PPP1R21: variants seen among roughly 807,000 people sequenced by gnomAD.
The protein encoded by PPP1R21 is protein phosphatase 1 regulatory subunit 21.
A neutral mutation model predicts 112.8 loss-of-function variants in PPP1R21; 85 were observed. That is an observed-to-expected ratio of 0.75 (90% CI 0.63 to 0.90). The LOEUF is 0.90. PPP1R21 is among the 40% of genes least tolerant of loss of function. The pLI, the probability that PPP1R21 is intolerant of heterozygous loss-of-function variation, is 0.00. For synonymous variants in PPP1R21, 381 were observed against 322.3 expected (o/e 1.18, Z -1.95); for missense variants, 1,199 against 901.5 (o/e 1.33, Z -4.23).
intron 19 of PPP1R21, among the ~76,000 whole-genome samples, chr2:48,508,265 A>G (rs1180538939): frequency 1.3e-5 from 2 of 152,216 alleles, no homozygotes; most frequent in Non-Finnish European, 2.9e-5. Context: ...GAAACTTTAT[A>G]TTAAAAAGTC....
At chr2:48,481,559 A>G (rs1669012157) in intron 13 of PPP1R21, among the ~76,000 whole-genome samples, 2 of 152,186 alleles carry the variant, frequency 1.3e-5, no homozygotes, top group Admixed American at 1.3e-4. Flanking sequence ...CTGTGGCTAC[A>G]AGTTTTTTAG....
intron 21 of PPP1R21, 32 bp from the exon 22 acceptor site, chr2:48,514,683 T>A: frequency 6.9e-7 from 1 of 1,453,688 alleles, no homozygotes; most frequent in Non-Finnish European, 9.7e-7. Context: ...TTTATGTTTA[T>A]GTTCTTATTG....
At chr2:48,442,565 T>G (rs1667080093) in intron 1 of PPP1R21, among the ~76,000 whole-genome samples, 1 of 152,218 alleles carries the variant, frequency 6.6e-6, no homozygotes, top group South Asian at 2.1e-4. Context: ...AGGGTTCAGC[T>G]TAACAAGTCA....
chr2:48,512,835 C>G (rs1487131960), intron 21 of PPP1R21, among the ~76,000 whole-genome samples: 1 of 152,076 alleles, frequency 6.6e-6, no homozygotes. Flanking sequence ...GATCAGGGGG[C>G]TGGTCCTTTT....
chr2:48,477,741 T>G (rs1668823127), intron 12 of PPP1R21, among the ~76,000 whole-genome samples: 3 of 151,908 alleles, frequency 2.0e-5, no homozygotes, highest in Non-Finnish European at 4.4e-5. Context: ...TAGAATCAGC[T>G]TGTGTTGATG....
rs752198524 is a variant in PPP1R21 at position 48,498,629 on chromosome 2, C to A, written c.1829C>A (p.Ala610Asp). ...IADKLKNTGS[A>D]QLVGLAQENA... ...GATAAGCTGAAGAATACAGGTAGTG[C>A]CCAGCTGGTTGGGCTGGCCCAGGAA... The change falls in exon 17 of 22, where the codon GCC (alanine) becomes GAC (aspartate). Residue 610 changes from alanine to aspartate, a missense_variant. By Grantham distance (126) the Ala-to-Asp change is moderately radical (BLOSUM62 -2). Transcript: ENST00000294952. The A allele has an allele frequency of 6.2e-7, 1 of 1,614,218 alleles. No individual in the cohort carries two copies. The highest frequency in any genetic ancestry group is 1.1e-5 in the South Asian group (1 of 91,086).
At chr2:48,501,475 A>T (rs191244842) in intron 17 of PPP1R21, among the ~76,000 whole-genome samples, 1 of 152,208 alleles carries the variant, frequency 6.6e-6, no homozygotes, top group African/African-American at 2.4e-5. Flanking sequence ...CTCACACAGG[A>T]TTGTAGGTAC....
intron 13 of PPP1R21, among the ~76,000 whole-genome samples, chr2:48,484,515 T>A (rs1669183449): frequency 2.3e-4 from 1 of 4,402 alleles, no homozygotes; most frequent in Admixed American, 1.4e-3. Flanking sequence ...AAGAATAAAC[T>A]TTTTTTTTTT....
chr2:48,513,918 T>G (rs565537673), intron 21 of PPP1R21, among the ~76,000 whole-genome samples: 99 of 152,264 alleles, frequency 6.5e-4, no homozygotes, highest in African/African-American at 2.3e-3. Flanking sequence ...ATGGAATAAG[T>G]CATCTTCTCT....
chr2:48,446,533 T>C (rs940711706), intron 1 of PPP1R21, among the ~76,000 whole-genome samples: 5 of 152,328 alleles, frequency 3.3e-5, no homozygotes, highest in Non-Finnish European at 5.9e-5. Flanking sequence ...CAATCTCTTA[T>C]ATAATGTATT....
chr2:48,477,778 G>C (rs752634949), intron 12 of PPP1R21, among the ~76,000 whole-genome samples: 6 of 151,760 alleles, frequency 4.0e-5, no homozygotes, highest in Non-Finnish European at 8.8e-5. Context: ...TTGGGATTCT[G>C]ATAGGGATTG....
chr2:48,449,332 ATGAAT>A (rs1322433050), intron 1 of PPP1R21, among the ~76,000 whole-genome samples: 1 of 152,180 alleles, frequency 6.6e-6, no homozygotes, highest in Non-Finnish European at 1.5e-5. Context: ...GGTAGGGTAA[ATGAAT>A]TTACCCATTC....
chr2:48,454,654 G>T lies in PPP1R21; in HGVS notation c.186G>T (p.Leu62Phe). Residue 62 changes from leucine to phenylalanine, a missense_variant, in exon 3 of 22, where the codon TTG (leucine) becomes TTT (phenylalanine). Transcript: ENST00000294952. ...LRKLQQEMDSLTFRNLQLAKR... is the reference protein window; with the variant it reads ...LRKLQQEMDSFTFRNLQLAKR... ...AACTACAACAGGAAATGGACAGTTT[G>T]ACATTTCGAAATCTGCAGCTTGCCA... 6.2e-7 allele frequency: 1 copy of T among 1,613,858 alleles called. No homozygotes were observed. Among genetic ancestry groups the T allele is most frequent in the Non-Finnish European group, 8.5e-7 (1 of 1,179,744 alleles).
intron 14 of PPP1R21, 26 bp downstream of exon 14, chr2:48,486,784 T>C (rs888986455): frequency 1.7e-5 from 27 of 1,594,338 alleles, no homozygotes; most frequent in Non-Finnish European, 2.2e-5. Flanking sequence ...CGTATATTGA[T>C]GTTAAAACTC....
rs975032205 is a variant in PPP1R21, at chr2:48,498,577, C to T, written c.1777C>T (p.Leu593=). 14 of 1,614,048 alleles carry T rather than the reference C, an allele frequency of 8.7e-6. No homozygotes were observed. Among genetic ancestry groups the T allele is most frequent in the African/African-American group, 4.0e-5 (3 of 74,920 alleles). ...MLEAQLAKIK[L]EKENQRIADK... is the part of the protein sequence containing the mutation. ...GGAAGCACAATTAGCCAAAATCAAG[C>T]TAGAGAAAGAAAACCAGCGAATTGC... The change falls in exon 17 of 22, where the codon CTA becomes TTA. Residue 593 remains leucine (L), a synonymous_variant. Coordinates refer to ENST00000294952, the MANE Select transcript of PPP1R21 (RefSeq NM_001135629.3).
intron 12 of PPP1R21, among the ~76,000 whole-genome samples, chr2:48,476,099 G>T (rs1668742094): frequency 6.6e-6 from 1 of 152,052 alleles, no homozygotes; most frequent in Non-Finnish European, 1.5e-5. Context: ...TTTAGCTATT[G>T]CCCTCCCATT....
chr2:48,461,277 C>G (rs769248918), intron 7 of PPP1R21, 45 bp downstream of exon 7: 1 of 1,482,210 alleles, frequency 6.7e-7, no homozygotes, highest in East Asian at 2.6e-5. Context: ...CTTTGAATCT[C>G]TCTGTGGTAG....
chr2:48,462,580 C>T (rs1335494493), intron 7 of PPP1R21, among the ~76,000 whole-genome samples: 1 of 152,022 alleles, frequency 6.6e-6, no homozygotes, highest in Non-Finnish European at 1.5e-5. Context: ...GTCATCATGC[C>T]CTCAGGAGCA....
chr2:48,483,722 G>C (rs1669140465), intron 13 of PPP1R21, among the ~76,000 whole-genome samples: 1 of 152,284 alleles, frequency 6.6e-6, no homozygotes, highest in African/African-American at 2.4e-5. Flanking sequence ...TTACAAGCGT[G>C]AGGTACCGCG....
Sources: allele counts gnomAD v4.1 joint callset (sites outside exome capture counted in the v4.1 genomes callset), GRCh38; gene constraint gnomAD v4.1.1; transcripts MANE v1.5; gene names NCBI Gene and HGNC (gene_info 2026-07-23, HGNC 2026-07-21).